The following GALNT10 variants were observed in gnomAD, a reference collection of about 807,000 sequenced individuals.
GALNT10 encodes polypeptide N-acetylgalactosaminyltransferase 10.
Under a neutral mutation model 75.0 loss-of-function variants are expected in GALNT10, and 41 were observed. That is an observed-to-expected ratio of 0.55 (90% CI 0.43 to 0.71). The LOEUF (loss-of-function observed/expected upper bound fraction) is 0.71. Ranked by LOEUF, GALNT10 falls within the 30% of genes least tolerant of loss-of-function variation. The pLI is 0.00. For missense variants in GALNT10, 727 were observed against 818.5 expected, an observed-to-expected ratio of 0.89 and a Z score of 1.36; for synonymous variants, 302 against 313.0, an observed-to-expected ratio of 0.96 and a Z score of 0.37.
Position 154,329,588 on chromosome 5 carries a change from T to A in GALNT10, c.418T>A (p.Tyr140Asn). The A allele has an allele frequency of 1.2e-6, 2 of 1,614,006 alleles. No individual in the cohort carries two copies. The highest frequency in any genetic ancestry group is 1.7e-6 in the Non-Finnish European group (2 of 1,179,910). The change falls in exon 4 of 12, where the codon TAC becomes AAC. Residue 140 changes from tyrosine to asparagine, a missense_variant. By Grantham distance (143) the Tyr-to-Asn change is moderately radical. Transcript: ENST00000297107. ...IRHPNCNSKRYLETLPNTSII... is the reference protein window; with the variant it reads ...IRHPNCNSKRNLETLPNTSII... Reference sequence around the variant, plus strand: ...TCCCTCTAGCTGCAACAGCAAGCGCTACCTGGAGACACTTCCCAACACAAG... The same window carrying A: ...TCCCTCTAGCTGCAACAGCAAGCGCAACCTGGAGACACTTCCCAACACAAG...
intron 1 of GALNT10, among the ~76,000 whole-genome samples, chr5:154,279,258 G>A (rs1753999968): frequency 6.7e-6 from 1 of 149,844 alleles, no homozygotes; most frequent in African/African-American, 2.4e-5. Flanking sequence ...GGTGTAAAAT[G>A]ATATTTAATG....
In GALNT10 at chr5:154,420,273, C is replaced by T. The variant is rs561766431; in HGVS notation, c.*3301C>T. ...GTAACAAATGGATTTCCAAAGTCTA[C>T]ATGACATTCACTTTTCAAACTTCCC... On this transcript the variant is annotated 3_prime_UTR_variant, in exon 12 of 12. Transcript: ENST00000297107. 1 of 152,356 alleles carries T rather than the reference C, an allele frequency of 6.6e-6. No homozygotes were observed. The highest frequency in any genetic ancestry group is 1.9e-4 in the East Asian group (1 of 5,184). 9.4% of individuals were successfully genotyped at this position (152,356 alleles called of 1,614,324 possible).
intron 4 of GALNT10, among the ~76,000 whole-genome samples, chr5:154,358,856 C>G (rs1755337565): frequency 6.6e-6 from 1 of 152,200 alleles, no homozygotes; most frequent in African/African-American, 2.4e-5. Flanking sequence ...ACACTCTCCC[C>G]ACTGATCATG....
In GALNT10 at chr5:154,412,270, G is replaced by A. The variant is rs978410991; in HGVS notation, c.1387-619G>A. On this transcript the variant is annotated intron_variant, in intron 9 of 11. Transcript: ENST00000297107. The surrounding 1 kb of genome is among the most constrained non-coding windows in gnomAD (Gnocchi z 4.2). The stretch of plus-strand genomic sequence containing the variant: ...GCCTGCCCACAGTAAGTGCCCAATC[G>A]GTATTTGTTGGCTAAGCAAGTGAGC... Among the ~76,000 whole-genome samples, 3 of 152,162 alleles carry A rather than the reference G, an allele frequency of 2.0e-5. No individual in the cohort carries two copies. The highest frequency in any genetic ancestry group is 2.1e-4 in the South Asian group (1 of 4,828).
At chr5:154,244,048 A>G (rs1436859805) in intron 1 of GALNT10, among the ~76,000 whole-genome samples, 3 of 152,156 alleles carry the variant, frequency 2.0e-5, no homozygotes, top group Admixed American at 2.0e-4. Flanking sequence ...AGGAACCAGA[A>G]CCAGAGCCCA....
chr5:154,314,479 AT>A (rs1554098254), intron 3 of GALNT10, among the ~76,000 whole-genome samples: 1 of 152,088 alleles, frequency 6.6e-6, no homozygotes, highest in Non-Finnish European at 1.5e-5. Context: ...AGGAGCACAA[AT>A]GATATGAGAG....
At chr5:154,249,563 C>T (rs191000268) in intron 1 of GALNT10, among the ~76,000 whole-genome samples, 1 of 151,982 alleles carries the variant, frequency 6.6e-6, no homozygotes. Context: ...CAACTCCAGC[C>T]CCCCCCAGTA....
intron 1 of GALNT10, among the ~76,000 whole-genome samples, chr5:154,193,344 C>T (rs1434363771): frequency 6.6e-6 from 1 of 152,218 alleles, no homozygotes; most frequent in Non-Finnish European, 1.5e-5. Flanking sequence ...GTTTCACTCT[C>T]CCACAGATGC....
chr5:154,258,633 A>G (rs187344815), intron 1 of GALNT10, among the ~76,000 whole-genome samples: 2 of 152,120 alleles, frequency 1.3e-5, no homozygotes, highest in Admixed American at 6.6e-5. Context: ...TGGGCTTTCT[A>G]TGCTTCTTGA....
intron 2 of GALNT10, 92 bp downstream of exon 2, chr5:154,295,010 T>G: frequency 1.8e-6 from 1 of 550,800 alleles, no homozygotes; most frequent in South Asian, 2.7e-5. Context: ...GTGTGTGTGT[T>G]CATGTGTGTG....
intron 1 of GALNT10, among the ~76,000 whole-genome samples, chr5:154,231,423 G>C (rs1394181603): frequency 6.6e-6 from 1 of 152,168 alleles, no homozygotes; most frequent in Non-Finnish European, 1.5e-5. Context: ...GAAATGCCAG[G>C]TTAGATGACT....
At chr5:154,267,347 C>G (rs1055425776) in intron 1 of GALNT10, among the ~76,000 whole-genome samples, 1 of 152,142 alleles carries the variant, frequency 6.6e-6, no homozygotes, top group Non-Finnish European at 1.5e-5. Flanking sequence ...GTGTGAGAAG[C>G]ACTTGTTGTA....
rs762822794 is a variant in GALNT10, at chr5:154,329,586, G to A, written c.416G>A (p.Arg139His). The A allele has an allele frequency of 2.1e-5, 34 of 1,613,674 alleles. No individual in the cohort carries two copies. Among genetic ancestry groups the A allele is most frequent in the Admixed American group, 1.8e-4 (11 of 59,998 alleles). Residue 139 changes from arginine to histidine, a missense_variant, in exon 4 of 12, where the codon CGC becomes CAC. Transcript: ENST00000297107. ...DIRHPNCNSK[R>H]YLETLPNTSI... ...TTTCCCTCTAGCTGCAACAGCAAGC[G>A]CTACCTGGAGACACTTCCCAACACA...
chr5:154,383,003 T>A (rs1017097002), intron 6 of GALNT10, among the ~76,000 whole-genome samples: 2 of 152,322 alleles, frequency 1.3e-5, no homozygotes, highest in South Asian at 4.1e-4. Flanking sequence ...ACACAAAGGC[T>A]TCCCTCAAGA....
intron 1 of GALNT10, among the ~76,000 whole-genome samples, chr5:154,259,774 G>T (rs942246545): frequency 5.9e-5 from 9 of 152,134 alleles, no homozygotes; most frequent in Admixed American, 2.6e-4. Context: ...ATAAGCCCCT[G>T]CACTCAAAAT....
intron 1 of GALNT10, among the ~76,000 whole-genome samples, chr5:154,285,651 T>C (rs1754100334): frequency 1.3e-5 from 2 of 152,156 alleles, no homozygotes; most frequent in Non-Finnish European, 2.9e-5. Context: ...CAGCATAAGC[T>C]AACATCATCT....
intron 7 of GALNT10, among the ~76,000 whole-genome samples, chr5:154,396,195 A>T (rs1324299536): frequency 8.1e-6 from 1 of 122,730 alleles, no homozygotes; most frequent in Admixed American, 8.1e-5. Context: ...CAATGACCAG[A>T]TCATGTATGA....
intron 1 of GALNT10, among the ~76,000 whole-genome samples, chr5:154,276,571 A>G (rs188399651): frequency 6.6e-6 from 1 of 152,278 alleles, no homozygotes; most frequent in African/African-American, 2.4e-5. Flanking sequence ...GGATTATAGG[A>G]GGATGAAGGT....
chr5:154,259,319 G>T (rs1234983701), intron 1 of GALNT10, among the ~76,000 whole-genome samples: 1 of 152,124 alleles, frequency 6.6e-6, no homozygotes, highest in East Asian at 1.9e-4. Context: ...ACACATTTAG[G>T]CAAGAATAAC....
Sources: gnomAD v4.1 joint callset for allele counts (sites outside exome capture counted in the v4.1 genomes callset) on GRCh38, gnomAD v4.1.1 for gene constraint, Gnocchi (gnomAD v3.1) non-coding constraint, MANE v1.5 for transcripts, NCBI Gene and HGNC (gene_info 2026-07-23, HGNC 2026-07-21) for gene names.